KLC1: variants seen among roughly 807,000 people sequenced by gnomAD.
KLC1 encodes the protein kinesin 2 60/70kDa.
Under a neutral mutation model 84.2 loss-of-function variants are expected in KLC1, and 30 were observed. The ratio of observed to expected loss-of-function variants is 0.36; its 90% CI spans 0.27 to 0.48. The LOEUF (loss-of-function observed/expected upper bound fraction) is 0.48. Ranked by LOEUF, KLC1 falls within the 20% of genes least tolerant of loss-of-function variation. The pLI is 0.99. For missense variants in KLC1, 499 were observed against 805.4 expected (o/e 0.62, Z 4.60); for synonymous variants, 289 against 293.3 (o/e 0.99, Z 0.15).
intron 12 of KLC1, 161 bp from the exon 13 acceptor site, chr14:103,679,223 C>A (rs1180196816): frequency 3.4e-6 from 3 of 881,648 alleles, no homozygotes; most frequent in African/African-American, 1.7e-5. Flanking sequence ...CAGTTCCCCG[C>A]CTCCACCCTC....
chr14:103,651,038 C>T (rs561430255), intron 1 of KLC1, among the ~76,000 whole-genome samples: 1 of 151,390 alleles, frequency 6.6e-6, no homozygotes, highest in African/African-American at 2.4e-5. Flanking sequence ...GTGATGGAGT[C>T]TTGCTCTGTC....
chr14:103,634,695 CTA>C lies in KLC1; in HGVS notation c.-2+5203_-2+5204del, dbSNP rs1318147340. Among the ~76,000 whole-genome samples the C allele has an allele frequency of 2.0e-5, 3 of 151,822 alleles. No individual in the cohort carries two copies. In the East Asian group the frequency reaches 5.8e-4, roughly 29 times the overall value. On this transcript the variant is annotated intron_variant, in intron 1 of 16. Transcript: ENST00000334553. Reference sequence around the variant, plus strand: ...AGTGATGGGTTGGACTGAGAAGTCTCTATGGATTTTGCTTCTAGGAGGTTACT... The same window carrying C: ...AGTGATGGGTTGGACTGAGAAGTCTCTGGATTTTGCTTCTAGGAGGTTACT...
chr14:103,665,605 T>G (rs1472885780), intron 5 of KLC1, among the ~76,000 whole-genome samples: 1 of 152,054 alleles, frequency 6.6e-6, no homozygotes, highest in Non-Finnish European at 1.5e-5. Flanking sequence ...CCGCTAATTT[T>G]TTGTATTTTT....
chr14:103,699,657 G>T (rs2082949560), intron 15 of KLC1: 2 of 1,459,654 alleles, frequency 1.4e-6, no homozygotes, highest in South Asian at 1.2e-5. Flanking sequence ...ACTGTCACTC[G>T]ACCGTCTGAA....
At chr14:103,695,265 A>C (rs1258905366) in intron 15 of KLC1, 3 of 660,694 alleles carry the variant, frequency 4.5e-6, no homozygotes, top group Non-Finnish European at 5.6e-6. Context: ...GTTCAAGAAC[A>C]GCTTGGGCAA....
In KLC1 at chr14:103,693,945, C is replaced by A. The variant is rs2082269377; in HGVS notation, c.1848+1520C>A. On this transcript the variant is annotated intron_variant, in intron 15 of 16. Transcript: ENST00000334553. This position sits in a 1 kb window ranked among gnomAD's most constrained non-coding sequence, Gnocchi z 5.1. ...CGGATGCTGTTGCATTTCCTGCCTGCCACCTTTTTGCCATGACACCAGACT... is the reference window on the plus strand; with the variant it reads ...CGGATGCTGTTGCATTTCCTGCCTGACACCTTTTTGCCATGACACCAGACT... 2.5e-6 allele frequency: 3 copies of A among 1,211,690 alleles called. No individual in the cohort carries two copies. Among genetic ancestry groups the A allele is most frequent in the Non-Finnish European group, 3.1e-6 (3 of 970,632 alleles). The allele number at this position is 1,211,690 out of a possible 1,614,324, so 75.1% of individuals were successfully genotyped here. A position where few individuals can be genotyped will look rare whatever the true frequency, so the allele number is the denominator to read the frequency against.
chr14:103,637,257 C>T lies in KLC1; in HGVS notation c.-2+7763C>T, dbSNP rs994951255. Reference sequence around the variant, plus strand: ...TTTATTAAAGAAATTTTCGGCTGGGCGCGGTGGCTCACACCTATAATCCCA... The same window carrying T: ...TTTATTAAAGAAATTTTCGGCTGGGTGCGGTGGCTCACACCTATAATCCCA... On this transcript the variant is annotated intron_variant, in intron 1 of 16. Transcript: ENST00000334553. Among the ~76,000 whole-genome samples, 7 of 152,068 alleles carry T rather than the reference C, an allele frequency of 4.6e-5. No homozygotes were observed. The South Asian group carries it at 6.2e-4, about 14-fold the overall frequency.
intron 1 of KLC1, among the ~76,000 whole-genome samples, chr14:103,642,058 G>A (rs994723512): frequency 1.3e-5 from 2 of 152,144 alleles, no homozygotes; most frequent in African/African-American, 4.8e-5. Context: ...AGCCTCCTGA[G>A]TAGCTGGGAT....
intron 3 of KLC1, among the ~76,000 whole-genome samples, chr14:103,661,339 A>G (rs1364410561): frequency 6.6e-6 from 1 of 152,108 alleles, no homozygotes; most frequent in Non-Finnish European, 1.5e-5. Flanking sequence ...TTCACGTGGA[A>G]TGGGGTCTCT....
intron 5 of KLC1, among the ~76,000 whole-genome samples, chr14:103,665,535 A>G (rs548041227): frequency 1.1e-4 from 16 of 152,074 alleles, no homozygotes; most frequent in Admixed American, 1.0e-3. Context: ...CTGGAGTTCA[A>G]CCATTTCTCC....
chr14:103,645,416 C>T (rs969677838), intron 1 of KLC1, among the ~76,000 whole-genome samples: 1 of 152,200 alleles, frequency 6.6e-6, no homozygotes, highest in Non-Finnish European at 1.5e-5. Flanking sequence ...TAGCTCAGTT[C>T]TTCTGCAGCT....
At chr14:103,636,287 T>C (rs1450975346) in intron 1 of KLC1, among the ~76,000 whole-genome samples, 1 of 152,142 alleles carries the variant, frequency 6.6e-6, no homozygotes, top group Non-Finnish European at 1.5e-5. Flanking sequence ...AGTGGCACGA[T>C]CTCAGCTCAC....
At chr14:103,673,300 A>T (rs767566957) in intron 8 of KLC1, 32 bp from the exon 9 acceptor site, 1 of 1,541,740 alleles carries the variant, frequency 6.5e-7, no homozygotes. Flanking sequence ...CATCTGAAAG[A>T]TATGAAATAT....
chr14:103,637,205 A>G (rs2077112479), intron 1 of KLC1, among the ~76,000 whole-genome samples: 1 of 151,794 alleles, frequency 6.6e-6, no homozygotes, highest in African/African-American at 2.4e-5. Context: ...AATACTTTTA[A>G]TTTTTCTTAA....
At chr14:103,684,742 T>A in intron 13 of KLC1, 1 of 501,472 alleles carries the variant, frequency 2.0e-6, no homozygotes, top group Non-Finnish European at 3.6e-6. Flanking sequence ...GTGTGTCACA[T>A]GAAATACTTT....
At chr14:103,687,700 CTT>C (rs2081867488) in intron 14 of KLC1, 1 of 151,956 alleles carries the variant, frequency 6.6e-6, no homozygotes, top group Admixed American at 6.6e-5. Flanking sequence ...ACTTTTAAGA[CTT>C]TATTATAAGG....
chr14:103,665,864 C>T (rs1346171392), intron 5 of KLC1, among the ~76,000 whole-genome samples: 2 of 152,206 alleles, frequency 1.3e-5, no homozygotes, highest in African/African-American at 2.4e-5. Context: ...GCCGCACAGG[C>T]GCCACCCTGG....
chr14:103,651,785 C>T (rs1220568851), intron 1 of KLC1, among the ~76,000 whole-genome samples: 1 of 152,208 alleles, frequency 6.6e-6, no homozygotes, highest in African/African-American at 2.4e-5. Context: ...CTGGCAGTGC[C>T]CTTAGCAATC....
chr14:103,687,082 A>G lies in KLC1; in HGVS notation c.1652A>G (p.Asp551Gly), dbSNP rs1219429774. ...EVSMSVEWNG[D>G]GTGSLKRSGS... The stretch of plus-strand genomic sequence containing the variant: ...CACGTTTGTTCACGTTTTTTTCAGG[A>G]TGGCACTGGATCTTTAAAACGCAGT... Residue 551 changes from aspartate (D) to glycine (G), a missense_variant and splice_region_variant, in exon 14 of 17, where the codon GAT becomes GGT. Transcript: ENST00000334553. The G allele has an allele frequency of 6.5e-7, 1 of 1,529,554 alleles. No individual in the cohort carries two copies. The highest frequency in any genetic ancestry group is 8.8e-7 in the Non-Finnish European group (1 of 1,130,146). The allele number at this position is 1,529,554 out of a possible 1,614,324, so 94.7% of individuals were successfully genotyped here.
Sources: gnomAD v4.1 joint callset for allele counts (sites outside exome capture counted in the v4.1 genomes callset) on GRCh38, gnomAD v4.1.1 for gene constraint, Gnocchi (gnomAD v3.1) non-coding constraint, MANE v1.5 for transcripts, NCBI Gene and HGNC (gene_info 2026-07-23, HGNC 2026-07-21) for gene names.